Variants in TGFBRAP1 observed in about 807,000 individuals in gnomAD.
TGFBRAP1 encodes transforming growth factor beta receptor associated protein 1.
Under a neutral mutation model 83.2 loss-of-function variants are expected in TGFBRAP1, and 20 were observed. That is an observed-to-expected ratio of 0.24 (90% CI 0.17 to 0.35). The LOEUF (loss-of-function observed/expected upper bound fraction) is 0.35. Among genes scored for constraint, TGFBRAP1 ranks in the 10% least tolerant of loss-of-function variants. The pLI, the probability that TGFBRAP1 is intolerant of heterozygous loss-of-function variation, is 1.00. For synonymous variants in TGFBRAP1, 415 were observed against 459.8 expected (o/e 0.90, Z 1.25); for missense variants, 950 against 1,099.4 (o/e 0.86, Z 1.92).
chr2:105,321,904 T>C (rs967728256), intron 1 of TGFBRAP1, among the ~76,000 whole-genome samples: 2 of 152,254 alleles, frequency 1.3e-5, no homozygotes, highest in African/African-American at 4.8e-5. Context: ...TACTGGTTTA[T>C]GTATTTACTC....
intron 2 of TGFBRAP1, among the ~76,000 whole-genome samples, chr2:105,300,434 C>CT (rs769660664): frequency 0.14 from 16,440 of 118,804 alleles, 1,486 homozygotes; most frequent in South Asian, 0.2. Context: ...GGAGTAAAAT[C>CT]TTTTTTTTTT....
chr2:105,273,240 C>T (rs1353963362), intron 9 of TGFBRAP1, among the ~76,000 whole-genome samples: 2 of 152,006 alleles, frequency 1.3e-5, no homozygotes, highest in African/African-American at 2.4e-5. Flanking sequence ...AAGTAAGGGC[C>T]ACAGAATTTA....
intron 1 of TGFBRAP1, among the ~76,000 whole-genome samples, chr2:105,321,700 T>C (rs942791180): frequency 1.3e-5 from 2 of 152,200 alleles, no homozygotes; most frequent in Non-Finnish European, 2.9e-5. Context: ...AGTGGTCCCA[T>C]AAGGTTATAA....
chr2:105,306,298 G>T (rs1356850315), intron 2 of TGFBRAP1, among the ~76,000 whole-genome samples: 1 of 151,832 alleles, frequency 6.6e-6, no homozygotes, highest in Non-Finnish European at 1.5e-5. Context: ...CCCACCACAG[G>T]TGATCCACCT....
intron 1 of TGFBRAP1, 146 bp from the exon 2 acceptor site, chr2:105,308,464 C>G: frequency 2.4e-6 from 2 of 833,168 alleles, no homozygotes; most frequent in Non-Finnish European, 1.8e-6. Context: ...GAAACCATTT[C>G]CCCACAGACC....
At chr2:105,291,554 A>G (rs1677915484) in intron 4 of TGFBRAP1, among the ~76,000 whole-genome samples, 2 of 152,176 alleles carry the variant, frequency 1.3e-5, no homozygotes, top group Non-Finnish European at 2.9e-5. Context: ...AGTAAACAAA[A>G]TGTGGTAGGT....
At chr2:105,326,106 T>C (rs761617175) in intron 1 of TGFBRAP1, among the ~76,000 whole-genome samples, 13 of 152,222 alleles carry the variant, frequency 8.5e-5, no homozygotes, top group Non-Finnish European at 1.5e-4. Context: ...ATTTAATATA[T>C]GTAACTATTC....
intron 2 of TGFBRAP1, among the ~76,000 whole-genome samples, chr2:105,300,461 C>G (rs1272804380): frequency 6.8e-5 from 8 of 118,062 alleles, no homozygotes; most frequent in African/African-American, 2.6e-4. Context: ...TTTTCCGAGA[C>G]AGTCTCGCTC....
At chr2:105,305,001 C>T (rs2104388343) in intron 2 of TGFBRAP1, among the ~76,000 whole-genome samples, 1 of 152,278 alleles carries the variant, frequency 6.6e-6, no homozygotes, top group East Asian at 1.9e-4. Context: ...ATGAATGACA[C>T]TACAATGGCG....
At chr2:105,297,043 C>T (rs776742094) in intron 3 of TGFBRAP1, among the ~76,000 whole-genome samples, 3 of 152,066 alleles carry the variant, frequency 2.0e-5, no homozygotes, top group Non-Finnish European at 4.4e-5. Context: ...CCCCACAATC[C>T]TGCAAGTTAA....
chr2:105,292,583 A>G (rs1206668512), intron 4 of TGFBRAP1, among the ~76,000 whole-genome samples: 2 of 152,228 alleles, frequency 1.3e-5, no homozygotes, highest in Non-Finnish European at 2.9e-5. Flanking sequence ...GGAGGCAGAG[A>G]GAGAGACACA....
At chr2:105,316,219 G>GA (rs1678848595) in intron 1 of TGFBRAP1, among the ~76,000 whole-genome samples, 1 of 152,094 alleles carries the variant, frequency 6.6e-6, no homozygotes. Context: ...CTTTCTGGGT[G>GA]ACAGACATAG....
intron 3 of TGFBRAP1, 25 bp downstream of exon 3, chr2:105,298,486 C>A: frequency 6.5e-7 from 1 of 1,542,476 alleles, no homozygotes; most frequent in Non-Finnish European, 8.8e-7. Context: ...GTAAATTTCA[C>A]TAAGACTTCT....
rs1351984349 is a variant in TGFBRAP1 at position 105,308,212 on chromosome 2, C to T, written c.90G>A (p.Val30=). 4 of 1,614,108 alleles carry T rather than the reference C, an allele frequency of 2.5e-6. No homozygotes were observed. In the African/African-American group the frequency reaches 5.3e-5, roughly 22 times the overall value. Residue 30 remains valine, a synonymous_variant, in exon 2 of 12, where the codon GTG becomes GTA. Transcript: ENST00000393359. ...CGTAGAGGTCCCTGCCGCAGCACTC[C>T]ACGCACTCTATGTTGACGCGCTCCT... The part of the protein sequence containing the change: ...GDKERVNIEC[V]ECCGRDLYVG...
chr2:105,251,527 T>C, the TGFBRAP1 span, among the ~76,000 whole-genome samples: 1 of 143,778 alleles, frequency 7.0e-6, no homozygotes, highest in African/African-American at 2.7e-5. Flanking sequence ...TGGGGGGGGA[T>C]CAGCCCCCCG....
intron 8 of TGFBRAP1, among the ~76,000 whole-genome samples, chr2:105,274,320 AC>A (rs1473804596): frequency 2.0e-5 from 3 of 152,070 alleles, no homozygotes; most frequent in Admixed American, 2.0e-4. Flanking sequence ...TCTCCACTGC[AC>A]CTCCCCTGAG....
chr2:105,254,285 G>C, the TGFBRAP1 span, among the ~76,000 whole-genome samples: 1 of 152,104 alleles, frequency 6.6e-6, no homozygotes, highest in African/African-American at 2.4e-5. Flanking sequence ...TCTTGGAGAG[G>C]TCACGAAGTA....
intron 1 of TGFBRAP1, among the ~76,000 whole-genome samples, chr2:105,326,667 C>T (rs889506230): frequency 1.3e-5 from 2 of 151,804 alleles, no homozygotes; most frequent in East Asian, 1.9e-4. Context: ...TGCAGTGAGC[C>T]GAGAACACGA....
At chr2:105,294,307 GGTGTGTGTGT>G (rs3060066) in intron 4 of TGFBRAP1, among the ~76,000 whole-genome samples, 2 of 147,892 alleles carry the variant, frequency 1.4e-5, no homozygotes, top group Admixed American at 6.7e-5. Context: ...TAGGAGTGAG[GGTGTGTGTGT>G]GTGTGTGTGT....
Sources: allele counts gnomAD v4.1 joint callset (sites outside exome capture counted in the v4.1 genomes callset), GRCh38; gene constraint gnomAD v4.1.1; transcripts MANE v1.5; gene names NCBI Gene and HGNC (gene_info 2026-07-23, HGNC 2026-07-21).